The following ARHGAP15 variants were observed in gnomAD, a reference collection of about 807,000 sequenced individuals.
The protein encoded by ARHGAP15 is Rho GTPase activating protein 15, also known as rho GTPase-activating protein 15.
A neutral mutation model predicts 63.7 loss-of-function variants in ARHGAP15; 51 were observed. The observed-to-expected ratio is 0.80, with a 90% CI of 0.64 to 1.01. The LOEUF is 1.01. Among genes scored for constraint, ARHGAP15 ranks in the 50% least tolerant of loss-of-function variants. The probability of loss-of-function intolerance (pLI) is 0.00; values close to 1 mark genes in which losing one functional copy is unlikely to be tolerated. For synonymous variants in ARHGAP15, 191 were observed against 193.8 expected (o/e 0.99, Z 0.12); for missense variants, 560 against 564.6 (o/e 0.99, Z 0.08).
At chr2:143,420,591 A>G (rs544979232) in intron 6 of ARHGAP15, among the ~76,000 whole-genome samples, 63 of 152,298 alleles carry the variant, frequency 4.1e-4, no homozygotes, top group Admixed American at 1.2e-3. Flanking sequence ...GCCTTGATGT[A>G]GCTGAAGCCT....
chr2:143,588,582 G>A (rs538179871), intron 11 of ARHGAP15, among the ~76,000 whole-genome samples: 1 of 152,228 alleles, frequency 6.6e-6, no homozygotes, highest in African/African-American at 2.4e-5. Flanking sequence ...AACATGCAGT[G>A]TTTGGTTTTC....
At chr2:143,699,541 T>A (rs796697561) in intron 12 of ARHGAP15, among the ~76,000 whole-genome samples, 1 of 152,320 alleles carries the variant, frequency 6.6e-6, no homozygotes, top group East Asian at 1.9e-4. Context: ...CATGTACTTT[T>A]CATAAGGATA....
At chr2:143,170,166 C>T (rs551121203) in intron 2 of ARHGAP15, among the ~76,000 whole-genome samples, 1 of 152,180 alleles carries the variant, frequency 6.6e-6, no homozygotes, top group African/African-American at 2.4e-5. Flanking sequence ...CTTATTCAAC[C>T]TGTTCTTGAT....
chr2:143,540,091 T>G (rs1044369841), intron 10 of ARHGAP15, among the ~76,000 whole-genome samples: 4 of 152,202 alleles, frequency 2.6e-5, no homozygotes, highest in Admixed American at 6.5e-5. Context: ...ATATTTAGGA[T>G]AGTTAGTTCT....
intron 10 of ARHGAP15, among the ~76,000 whole-genome samples, chr2:143,548,944 T>C (rs1695445214): frequency 3.3e-5 from 5 of 151,890 alleles, no homozygotes; most frequent in Admixed American, 2.0e-4. Context: ...AAAAGGAGAA[T>C]TGAAAAATGC....
chr2:143,334,489 G>C (rs1684686961), intron 6 of ARHGAP15, among the ~76,000 whole-genome samples: 1 of 151,982 alleles, frequency 6.6e-6, no homozygotes. Flanking sequence ...CTAAATTTCA[G>C]ATTCATGCCA....
intron 6 of ARHGAP15, among the ~76,000 whole-genome samples, chr2:143,290,229 G>A (rs1682322354): frequency 6.6e-6 from 1 of 152,056 alleles, no homozygotes; most frequent in Non-Finnish European, 1.5e-5. Flanking sequence ...GGTGGTTGGG[G>A]TTCAGTAAAA....
intron 6 of ARHGAP15, among the ~76,000 whole-genome samples, chr2:143,308,655 CTGGGGA>C (rs1574249496): frequency 3.3e-5 from 5 of 152,076 alleles, no homozygotes; most frequent in East Asian, 3.9e-4. Context: ...TCATGAAATG[CTGGGGA>C]ATGTGATAAC....
chr2:143,659,306 T>G (rs1574788908), intron 12 of ARHGAP15, among the ~76,000 whole-genome samples: 2 of 152,312 alleles, frequency 1.3e-5, no homozygotes, highest in Admixed American at 1.3e-4. Flanking sequence ...TAGGGGGTGA[T>G]GGACATGTTA....
chr2:143,270,840 A>G (rs1367355014), intron 6 of ARHGAP15, among the ~76,000 whole-genome samples: 1 of 152,106 alleles, frequency 6.6e-6, no homozygotes, highest in African/African-American at 2.4e-5. Flanking sequence ...CCTCTTTGGC[A>G]CTCGTGTTTA....
intron 11 of ARHGAP15, chr2:143,608,575 ACTG>A (rs1239591163): frequency 6.6e-6 from 1 of 152,222 alleles, no homozygotes; most frequent in Non-Finnish European, 1.5e-5. Flanking sequence ...TAATTGAACT[ACTG>A]GTCGTCTATT....
At chr2:143,327,958 C>G (rs1684334365) in intron 6 of ARHGAP15, among the ~76,000 whole-genome samples, 2 of 151,112 alleles carry the variant, frequency 1.3e-5, no homozygotes, top group African/African-American at 4.9e-5. Flanking sequence ...AGACACTTCT[C>G]AAAAGAAGAC....
intron 10 of ARHGAP15, among the ~76,000 whole-genome samples, chr2:143,522,450 C>T (rs992862994): frequency 1.3e-5 from 2 of 152,156 alleles, no homozygotes; most frequent in Admixed American, 6.5e-5. Context: ...AAAAACTCAA[C>T]TTATGTTTCT....
At chr2:143,219,840 A>G (rs1234944327) in intron 4 of ARHGAP15, among the ~76,000 whole-genome samples, 1 of 152,244 alleles carries the variant, frequency 6.6e-6, no homozygotes, top group Non-Finnish European at 1.5e-5. Flanking sequence ...AGAGACATTC[A>G]GATTCTGCAT....
In ARHGAP15 at chr2:143,228,564, T is replaced by A. The variant is rs758665680; in HGVS notation, c.297-17T>A. 1.5e-5 allele frequency: 23 copies of A among 1,561,160 alleles called. No individual in the cohort carries two copies. The highest frequency in any genetic ancestry group is 2.0e-5 in the Non-Finnish European group (23 of 1,139,390). On this transcript the variant is annotated splice_polypyrimidine_tract_variant and intron_variant, in intron 4 of 13. Transcript: ENST00000295095. ...AACTGATAATGCTTTCTTTCCCTTT[T>A]ATTTTTTTGTCCTAAGGAAAAACTG... is the stretch of plus-strand genomic sequence containing the variant.
chr2:143,624,608 A>G (rs540189087), intron 12 of ARHGAP15, among the ~76,000 whole-genome samples: 1 of 152,288 alleles, frequency 6.6e-6, no homozygotes, highest in East Asian at 1.9e-4. Flanking sequence ...TACTTTCAGA[A>G]TTGCAATGAG....
chr2:143,435,343 G>C (rs1689564020), intron 6 of ARHGAP15: 1 of 1,089,804 alleles, frequency 9.2e-7, no homozygotes, highest in Non-Finnish European at 1.1e-6. Flanking sequence ...CCTTAAGTTG[G>C]AGTAATTCAG....
chr2:143,479,975 G>A lies in ARHGAP15; in HGVS notation c.704-7398G>A, dbSNP rs114201165. On this transcript the variant is annotated intron_variant, in intron 8 of 13. Transcript: ENST00000295095. ...TGTGATGGTATACTTAATATTTGCA[G>A]TATGGGATTGAAGTTATCAATCATC... 9.5e-3 allele frequency among the ~76,000 whole-genome samples: 1,439 copies of A among 152,124 alleles called. 18 individuals are homozygous for A. Among genetic ancestry groups the A allele is most frequent in the African/African-American group, 0.029 (1,225 of 41,546 alleles).
intron 12 of ARHGAP15, among the ~76,000 whole-genome samples, chr2:143,674,343 T>G (rs1263288274): frequency 6.6e-6 from 1 of 152,186 alleles, no homozygotes; most frequent in African/African-American, 2.4e-5. Context: ...ATCGTTAAAA[T>G]TTTTTCTTGA....
Sources: gnomAD v4.1 joint callset for allele counts (sites outside exome capture counted in the v4.1 genomes callset) on GRCh38, gnomAD v4.1.1 for gene constraint, MANE v1.5 for transcripts, NCBI Gene and HGNC (gene_info 2026-07-23, HGNC 2026-07-21) for gene names.